BABAM2: variants seen among roughly 807,000 people sequenced by gnomAD.
BABAM2 encodes the protein BRISC and BRCA1 A complex member 2, also known as BRISC and BRCA1-A complex member 2.
BABAM2 carries 31 observed loss-of-function variants against 54.7 expected under a neutral mutation model. The observed-to-expected ratio is 0.57, with a 90% confidence interval of 0.43 to 0.77. The LOEUF is 0.77. BABAM2 is among the 30% of genes least tolerant of loss of function. The pLI, the probability that BABAM2 is intolerant of heterozygous loss-of-function variation, is 0.00. For missense variants in BABAM2, 364 were observed against 455.8 expected (o/e 0.80, Z 1.83); for synonymous variants, 167 against 162.9 (o/e 1.03, Z -0.19).
intron 7 of BABAM2, among the ~76,000 whole-genome samples, chr2:28,169,498 C>A (rs778987354): frequency 5.3e-5 from 8 of 152,090 alleles, no homozygotes; most frequent in Admixed American, 2.0e-4. Flanking sequence ...ATATCCAGGC[C>A]AGGTGGGGTG....
intron 6 of BABAM2, among the ~76,000 whole-genome samples, chr2:28,123,356 A>G (rs936584790): frequency 6.6e-6 from 1 of 152,186 alleles, no homozygotes; most frequent in African/African-American, 2.4e-5. Flanking sequence ...GCAGACTTTT[A>G]TAAAGGTGGG....
intron 5 of BABAM2, among the ~76,000 whole-genome samples, chr2:28,027,504 T>C (rs949662653): frequency 5.9e-5 from 9 of 152,206 alleles, no homozygotes; most frequent in Non-Finnish European, 1.2e-4. Flanking sequence ...ATCACTAAAC[T>C]ACTTTCTGTT....
Position 28,129,324 on chromosome 2 carries a change from G to T in BABAM2, c.624G>T (p.Glu208Asp). ...EDVALLSVSFEDTEATQVYPK... is the reference protein window; with the variant it reads ...EDVALLSVSFDDTEATQVYPK... ...TGGCCCTCCTCTCTGTTAGTTTTGAGGACACTGAAGCCACCCAGGTGTACC... is the reference window on the plus strand; with the variant it reads ...TGGCCCTCCTCTCTGTTAGTTTTGATGACACTGAAGCCACCCAGGTGTACC... Residue 208 changes from glutamate (E) to aspartate (D), a missense_variant, in exon 7 of 12, where the codon GAG becomes GAT. Coordinates refer to ENST00000379624, the MANE Select transcript of BABAM2 (RefSeq NM_199191.3). 1 of 1,614,152 alleles carries T rather than the reference G, an allele frequency of 6.2e-7. No individual in the cohort carries two copies. The highest frequency in any genetic ancestry group is 1.1e-5 in the South Asian group (1 of 91,084).
rs180955524 is a variant in BABAM2, at chr2:28,164,650, C to T, written c.680+35270C>T. 7.2e-5 allele frequency among the ~76,000 whole-genome samples: 11 copies of T among 152,148 alleles called. No homozygotes were observed. The East Asian group carries it at 2.1e-3, about 29-fold the overall frequency. The stretch of plus-strand genomic sequence containing the variant: ...GAGCTATTCGTGTGAGGAAATTCTG[C>T]CCAGCTGCTTTCTGGAACAGATACT... On this transcript the variant is annotated intron_variant, in intron 7 of 11. Transcript: ENST00000379624.
intron 7 of BABAM2, among the ~76,000 whole-genome samples, chr2:28,228,344 C>T (rs1275274641): frequency 6.6e-6 from 1 of 152,172 alleles, no homozygotes; most frequent in Non-Finnish European, 1.5e-5. Context: ...TTGTTCTCTA[C>T]ATCTTTCTTG....
chr2:28,191,982 G>A (rs1344130599), intron 7 of BABAM2, among the ~76,000 whole-genome samples: 3 of 152,186 alleles, frequency 2.0e-5, no homozygotes, highest in Non-Finnish European at 4.4e-5. Flanking sequence ...TCGAAGAGCT[G>A]TTTTCAACAT....
intron 11 of BABAM2, chr2:28,327,402 GGGCCTC>G: frequency 6.2e-7 from 1 of 1,611,390 alleles, no homozygotes; most frequent in Non-Finnish European, 8.5e-7. Flanking sequence ...CCTCCTTGGA[GGGCCTC>G]AGAGGGAGAG....
chr2:28,326,334 G>A (rs910806446), intron 11 of BABAM2, among the ~76,000 whole-genome samples: 2 of 152,122 alleles, frequency 1.3e-5, no homozygotes, highest in Admixed American at 6.5e-5. Context: ...TGTGCTGAGC[G>A]CCTGCTCTTG....
At chr2:28,308,467 A>G (rs1314806065) in intron 11 of BABAM2, 2 of 529,246 alleles carry the variant, frequency 3.8e-6, no homozygotes, top group African/African-American at 1.9e-5. Context: ...GTGGATGTCA[A>G]AGCCAACAAG....
chr2:28,026,961 T>TATATTTATAAATATATATTA (rs1675883865), intron 5 of BABAM2, among the ~76,000 whole-genome samples: 3 of 83,218 alleles, frequency 3.6e-5, no homozygotes, highest in African/African-American at 1.5e-4. Context: ...TATATATAAA[T>TATATTTATAAATATATATTA]ATATATATAA....
At position 28,142,853 on chromosome 2, in the gene BABAM2, A is replaced by T. The variant is rs12477886; in HGVS notation, c.680+13473A>T. On this transcript the variant is annotated intron_variant, in intron 7 of 11. Transcript: ENST00000379624. ...ATATATTATTCCTTGAAAAAAACAG[A>T]TTATGGAGCATGATATTTTAAAATT... Among the ~76,000 whole-genome samples, 212 of 152,236 alleles carry T rather than the reference A, an allele frequency of 1.4e-3. 6 individuals are homozygous for T. Among genetic ancestry groups the T allele is most frequent in the Admixed American group, 0.012 (178 of 15,300 alleles).
chr2:27,999,653 T>C (rs1673439532), intron 4 of BABAM2, among the ~76,000 whole-genome samples: 1 of 152,238 alleles, frequency 6.6e-6, no homozygotes, highest in South Asian at 2.1e-4. Flanking sequence ...GAGATGTTCA[T>C]GATTTGAGGA....
At chr2:28,252,188 A>C (rs1683557878) in intron 10 of BABAM2, among the ~76,000 whole-genome samples, 1 of 148,164 alleles carries the variant, frequency 6.7e-6, no homozygotes, top group African/African-American at 2.5e-5. Context: ...CTCCATCTCA[A>C]AAAAAAAAAA....
rs1425229643 is a variant in BABAM2 at position 28,298,435 on chromosome 2, A to G, written c.1032A>G (p.Gln344=). Residue 344 remains glutamine, a synonymous_variant, in exon 11 of 12, where the codon CAA becomes CAG. Coordinates refer to ENST00000379624, the MANE Select transcript of BABAM2 (RefSeq NM_199191.3). ...GTGGACAGCTTTACTCCCAGGCCCA[A>G]AAAAATTATCCGTACAGCCCCAGAT... ...TNSGQLYSQA[Q]KNYPYSPRWD... 1.9e-6 allele frequency: 3 copies of G among 1,614,086 alleles called. No homozygotes were observed. Among genetic ancestry groups the G allele is most frequent in the African/African-American group, 2.7e-5 (2 of 74,944 alleles).
chr2:27,946,190 A>G (rs543189298), intron 3 of BABAM2, among the ~76,000 whole-genome samples: 1 of 152,262 alleles, frequency 6.6e-6, no homozygotes, highest in African/African-American at 2.4e-5. Context: ...GGAAGTTCCC[A>G]TCTATTTTAG....
intron 4 of BABAM2, among the ~76,000 whole-genome samples, chr2:28,018,617 C>T (rs1432730807): frequency 6.6e-6 from 1 of 152,080 alleles, no homozygotes; most frequent in African/African-American, 2.4e-5. Flanking sequence ...TTTACATTCC[C>T]TTTTTTTACT....
intron 7 of BABAM2, among the ~76,000 whole-genome samples, chr2:28,204,738 G>A (rs755101699): frequency 1.6e-4 from 24 of 152,110 alleles, no homozygotes; most frequent in Admixed American, 3.9e-4. Flanking sequence ...TCTAAGAGAT[G>A]TACATTTATT....
At chr2:28,150,892 A>AG (rs1238988122) in intron 7 of BABAM2, among the ~76,000 whole-genome samples, 2 of 152,344 alleles carry the variant, frequency 1.3e-5, no homozygotes, top group Non-Finnish European at 2.9e-5. Flanking sequence ...TTTAAAAAAA[A>AG]CAATGTGAGA....
At chr2:28,230,422 A>G (rs979150116) in intron 7 of BABAM2, among the ~76,000 whole-genome samples, 1 of 152,180 alleles carries the variant, frequency 6.6e-6, no homozygotes, top group African/African-American at 2.4e-5. Context: ...ATTTAGCTAG[A>G]AAACAGAACA....
Sources: allele counts gnomAD v4.1 joint callset (sites outside exome capture counted in the v4.1 genomes callset), GRCh38; gene constraint gnomAD v4.1.1; transcripts MANE v1.5; gene names NCBI Gene and HGNC (gene_info 2026-07-23, HGNC 2026-07-21).